RCL1: variants seen among roughly 807,000 people sequenced by gnomAD.
RCL1 encodes the protein RNA terminal phosphate cyclase like 1.
RCL1 carries 24 observed loss-of-function variants against 42.4 expected under a neutral mutation model. That is an observed-to-expected ratio of 0.57 (90% CI 0.41 to 0.80). The LOEUF (loss-of-function observed/expected upper bound fraction) is 0.80. Ranked by LOEUF, RCL1 falls within the 30% of genes least tolerant of loss-of-function variation. The probability of loss-of-function intolerance (pLI) is 0.00; values close to 1 mark genes in which losing one functional copy is unlikely to be tolerated. For synonymous variants in RCL1, 228 were observed against 177.3 expected (o/e 1.29, Z -2.27); for missense variants, 578 against 467.9 (o/e 1.24, Z -2.17).
intron 8 of RCL1, 37 bp downstream of exon 8, chr9:4,849,587 G>A: frequency 6.6e-7 from 1 of 1,512,652 alleles, no homozygotes; most frequent in Non-Finnish European, 9.2e-7. Flanking sequence ...ATTCTGTCCA[G>A]TGTAATTTTC....
rs901907029 is a variant in RCL1 at position 4,794,143 on chromosome 9, T to C, written c.136+916T>C. ...TCTGTAAATTGAAAAAGAGTGTTTG[T>C]GGTTGGTCCTGGAAGCTTCCTGAGC... On this transcript the variant is annotated intron_variant, in intron 1 of 8. Coordinates refer to ENST00000381750, the MANE Select transcript of RCL1 (RefSeq NM_005772.5). 2.6e-5 allele frequency among the ~76,000 whole-genome samples: 4 copies of C among 152,190 alleles called. No homozygotes were observed. In the South Asian group the frequency reaches 6.2e-4, roughly 24 times the overall value.
At chr9:4,814,862 G>A (rs774207950) in intron 1 of RCL1, among the ~76,000 whole-genome samples, 88 of 151,806 alleles carry the variant, frequency 5.8e-4, no homozygotes, top group Non-Finnish European at 1.1e-3. Context: ...CTTCATTTCT[G>A]AAGGATAGCT....
At chr9:4,802,377 A>G (rs1843018312) in intron 1 of RCL1, among the ~76,000 whole-genome samples, 1 of 152,198 alleles carries the variant, frequency 6.6e-6, no homozygotes, top group South Asian at 2.1e-4. Flanking sequence ...CTTGTCTAAT[A>G]TACAAAAAAG....
chr9:4,831,131 C>T (rs1816928183), intron 3 of RCL1, among the ~76,000 whole-genome samples: 3 of 152,150 alleles, frequency 2.0e-5, no homozygotes, highest in Non-Finnish European at 2.9e-5. Flanking sequence ...TCTGCTTTTC[C>T]TGCCCTTGTC....
chr9:4,808,364 G>T (rs888924139), intron 1 of RCL1, among the ~76,000 whole-genome samples: 11 of 152,062 alleles, frequency 7.2e-5, no homozygotes, highest in African/African-American at 2.7e-4. Context: ...CTGGAGTGCA[G>T]TGGTGTGATC....
At chr9:4,852,219 T>C (rs574813271) in intron 8 of RCL1, among the ~76,000 whole-genome samples, 3 of 152,320 alleles carry the variant, frequency 2.0e-5, no homozygotes, top group South Asian at 4.1e-4. Context: ...GAGATTTTTT[T>C]TCAGTAGAAT....
chr9:4,830,812 G>C (rs747556669), intron 3 of RCL1, among the ~76,000 whole-genome samples: 5 of 152,134 alleles, frequency 3.3e-5, no homozygotes, highest in Non-Finnish European at 7.4e-5. Context: ...TTTTAGCATA[G>C]ATTGATTACA....
chr9:4,827,475 A>G, intron 3 of RCL1: 1 of 308,364 alleles, frequency 3.2e-6, no homozygotes, highest in Admixed American at 4.7e-5. Flanking sequence ...TCATAAACTC[A>G]AGGGCTTTCT....
intron 3 of RCL1, 35 bp downstream of exon 3, chr9:4,827,068 GT>G: frequency 6.2e-7 from 1 of 1,613,720 alleles, no homozygotes; most frequent in Non-Finnish European, 8.5e-7. Flanking sequence ...TGTGGTTTTT[GT>G]TTTGTCTCTT....
At chr9:4,843,376 AT>A (rs112842210) in intron 6 of RCL1, among the ~76,000 whole-genome samples, 14 of 149,224 alleles carry the variant, frequency 9.4e-5, no homozygotes, top group Admixed American at 2.7e-4. Context: ...TCTCACAGTA[AT>A]TTTTTTTTTT....
chr9:4,793,539 C>T (rs536061055), intron 1 of RCL1, among the ~76,000 whole-genome samples: 2 of 152,370 alleles, frequency 1.3e-5, no homozygotes, highest in Admixed American at 6.5e-5. Context: ...GTCCCTTCGG[C>T]CCCTCTTGCC....
chr9:4,826,848 C>A lies in RCL1; in HGVS notation c.209-10C>A, dbSNP rs896163335. The A allele has an allele frequency of 6.3e-7, 1 of 1,582,066 alleles. No individual in the cohort carries two copies. Among genetic ancestry groups the A allele is most frequent in the African/African-American group, 1.4e-5 (1 of 72,952 alleles). On this transcript the variant is annotated splice_polypyrimidine_tract_variant and intron_variant, in intron 2 of 8. Transcript: ENST00000381750. ...CCTGCTGAATGTGGCTCTTTTTCTTCTGGTTTAAGGAACAACCTTATATTA... is the reference window on the plus strand; with the variant it reads ...CCTGCTGAATGTGGCTCTTTTTCTTATGGTTTAAGGAACAACCTTATATTA...
chr9:4,814,438 T>G (rs1399831276), intron 1 of RCL1, among the ~76,000 whole-genome samples: 2 of 152,108 alleles, frequency 1.3e-5, no homozygotes, highest in Non-Finnish European at 2.9e-5. Flanking sequence ...GCCCGGCTTT[T>G]GTATTTTTTG....
chr9:4,854,467 C>G (rs1051380512), intron 8 of RCL1, among the ~76,000 whole-genome samples: 10 of 152,242 alleles, frequency 6.6e-5, no homozygotes, highest in Admixed American at 2.0e-4. Flanking sequence ...ACCCCCAGCT[C>G]TGTCCCATAT....
intron 1 of RCL1, among the ~76,000 whole-genome samples, chr9:4,800,811 C>A (rs1842988263): frequency 6.6e-6 from 1 of 151,762 alleles, no homozygotes; most frequent in Admixed American, 6.6e-5. Context: ...CACCACCACA[C>A]CTGGCTAATT....
At chr9:4,859,155 C>T (rs1378574886) in intron 8 of RCL1, among the ~76,000 whole-genome samples, 1 of 152,234 alleles carries the variant, frequency 6.6e-6, no homozygotes, top group South Asian at 2.1e-4. Context: ...GAAGCCTGTG[C>T]ACCTGCACTG....
chr9:4,822,784 A>G (rs138941633), intron 1 of RCL1, among the ~76,000 whole-genome samples: 317 of 152,302 alleles, frequency 2.1e-3, no homozygotes, highest in African/African-American at 7.3e-3. Flanking sequence ...TCACGCCACT[A>G]TACTCCAGTT....
At chr9:4,833,364 T>A in intron 4 of RCL1, 136 bp downstream of exon 4, 1 of 684,114 alleles carries the variant, frequency 1.5e-6, no homozygotes, top group Non-Finnish European at 2.7e-6. Context: ...ACAGGGCTCA[T>A]GAAATAAACA....
intron 1 of RCL1, among the ~76,000 whole-genome samples, chr9:4,820,860 A>G (rs529388562): frequency 6.6e-6 from 1 of 152,236 alleles, no homozygotes; most frequent in Non-Finnish European, 1.5e-5. Context: ...CTGTGATGCT[A>G]CTTACATCAC....
Sources: gnomAD v4.1 joint callset for allele counts (sites outside exome capture counted in the v4.1 genomes callset) on GRCh38, gnomAD v4.1.1 for gene constraint, MANE v1.5 for transcripts, NCBI Gene and HGNC (gene_info 2026-07-23, HGNC 2026-07-21) for gene names.